The following MAPK10 variants were observed in gnomAD, a reference collection of about 807,000 sequenced individuals.
MAPK10 encodes the protein mitogen-activated protein kinase 10.
MAPK10 carries 25 observed loss-of-function variants against 59.3 expected under a neutral mutation model. That is an observed-to-expected ratio of 0.42 (90% CI 0.31 to 0.59). MAPK10 has a LOEUF of 0.59. MAPK10 is among the 20% of genes least tolerant of loss of function. The probability of loss-of-function intolerance (pLI) is 0.15; values close to 1 mark genes in which losing one functional copy is unlikely to be tolerated. For synonymous variants in MAPK10, 190 were observed against 200.5 expected (o/e 0.95, Z 0.44); for missense variants, 351 against 568.9 (o/e 0.62, Z 3.90).
At chr4:86,076,067 C>G (rs2049327527) in intron 9 of MAPK10, among the ~76,000 whole-genome samples, 1 of 152,136 alleles carries the variant, frequency 6.6e-6, no homozygotes, top group South Asian at 2.1e-4. Flanking sequence ...GTAGGACCCT[C>G]CGAGCCAGGT....
At position 86,031,411 on chromosome 4, in the gene MAPK10, G is replaced by A; in HGVS notation, c.1131C>T (p.Asp377=). 3 of 1,612,460 alleles carry A rather than the reference G, an allele frequency of 1.9e-6. No homozygotes were observed. The highest frequency in any genetic ancestry group is 2.5e-6 in the Non-Finnish European group (3 of 1,178,906). The part of the protein sequence containing the change: ...EVEAPPPQIY[D]KQLDEREHTI... ...TGTGTTCTCTTTCATCCAACTGCTT[G>A]TCATATATCTGAGGTGGAGGCTGCC... Residue 377 remains aspartate (D), a synonymous_variant, in exon 12 of 14, where the codon GAC becomes GAT. Coordinates refer to ENST00000641462, the MANE Select transcript of MAPK10 (RefSeq NM_138982.4).
At chr4:86,554,287 G>A (rs1324770544) in intron 1 of MAPK10, among the ~76,000 whole-genome samples, 1 of 152,104 alleles carries the variant, frequency 6.6e-6, no homozygotes, top group Non-Finnish European at 1.5e-5. Flanking sequence ...TATTCTAAAA[G>A]CTACTGCTTA....
chr4:86,382,436 T>C (rs1740876592), intron 1 of MAPK10, among the ~76,000 whole-genome samples: 1 of 152,314 alleles, frequency 6.6e-6, no homozygotes, highest in South Asian at 2.1e-4. Flanking sequence ...TTGCTTTCCC[T>C]CAGACCTTAT....
chr4:86,089,560 T>C, intron 9 of MAPK10: 1 of 289,072 alleles, frequency 3.5e-6, no homozygotes, highest in East Asian at 6.3e-5. Context: ...ATTTAGGTTT[T>C]GATTTAAAAG....
At chr4:86,133,113 G>GA (rs975438979) in intron 4 of MAPK10, among the ~76,000 whole-genome samples, 2 of 151,890 alleles carry the variant, frequency 1.3e-5, no homozygotes, top group African/African-American at 4.8e-5. Context: ...TTGTGAAGCT[G>GA]AAAAAAATAT....
chr4:86,293,669 T>C (rs1400810207), intron 2 of MAPK10, among the ~76,000 whole-genome samples: 3 of 152,126 alleles, frequency 2.0e-5, no homozygotes, highest in African/African-American at 4.8e-5. Context: ...CTTCTGCTTC[T>C]GGGGAGGCCT....
intron 4 of MAPK10, among the ~76,000 whole-genome samples, chr4:86,150,681 GAA>G (rs1240240473): frequency 1.3e-5 from 2 of 152,102 alleles, no homozygotes; most frequent in African/African-American, 4.8e-5. Flanking sequence ...CTAACACGGT[GAA>G]ACCCCGTCTC....
chr4:86,175,261 A>G (rs190831877), intron 3 of MAPK10, among the ~76,000 whole-genome samples: 3 of 152,312 alleles, frequency 2.0e-5, no homozygotes, highest in Middle Eastern at 6.8e-3. Flanking sequence ...TCTCTAAAAT[A>G]TGTCTTTATA....
chr4:86,327,805 C>T (rs1439950867), intron 2 of MAPK10: 1 of 39,570 alleles, frequency 2.5e-5, no homozygotes. Flanking sequence ...AAAAAAAAAG[C>T]TGGGCATGGT....
intron 1 of MAPK10, among the ~76,000 whole-genome samples, chr4:86,519,817 C>T (rs1756983277): frequency 6.6e-6 from 1 of 152,068 alleles, no homozygotes; most frequent in East Asian, 1.9e-4. Flanking sequence ...TTGATAGAGG[C>T]AAATTCTCTC....
intron 1 of MAPK10, among the ~76,000 whole-genome samples, chr4:86,397,527 A>T (rs886107758): frequency 6.6e-6 from 1 of 152,114 alleles, no homozygotes; most frequent in African/African-American, 2.4e-5. Flanking sequence ...TTTGAAGAAG[A>T]GAGAAATGGT....
chr4:86,204,021 C>T (rs770155750), intron 2 of MAPK10, among the ~76,000 whole-genome samples: 34 of 151,752 alleles, frequency 2.2e-4, no homozygotes, highest in Non-Finnish European at 4.1e-4. Flanking sequence ...AAAATTGTAT[C>T]GGAACATAGC....
chr4:86,491,819 A>G (rs1754475274), intron 1 of MAPK10, among the ~76,000 whole-genome samples: 1 of 152,144 alleles, frequency 6.6e-6, no homozygotes, highest in Non-Finnish European at 1.5e-5. Flanking sequence ...ATTTTTCCTA[A>G]CAGCAAAAGA....
chr4:86,238,734 A>G (rs2092480607), intron 2 of MAPK10, among the ~76,000 whole-genome samples: 1 of 152,212 alleles, frequency 6.6e-6, no homozygotes, highest in African/African-American at 2.4e-5. Context: ...TATCAGTTCA[A>G]GAAGTTTTTG....
chr4:86,385,508 A>G (rs1741341957), intron 1 of MAPK10, among the ~76,000 whole-genome samples: 1 of 152,182 alleles, frequency 6.6e-6, no homozygotes, highest in Non-Finnish European at 1.5e-5. Context: ...CTTTTTCTTT[A>G]AAATATAAAC....
chr4:86,590,367 T>C (rs1490201846), intron 1 of MAPK10, among the ~76,000 whole-genome samples: 1 of 152,214 alleles, frequency 6.6e-6, no homozygotes, highest in Non-Finnish European at 1.5e-5. Context: ...ATTTTTTATG[T>C]AACTCCCACT....
chr4:86,038,519 A>C (rs1030393119), intron 11 of MAPK10, among the ~76,000 whole-genome samples: 1 of 151,886 alleles, frequency 6.6e-6, no homozygotes, highest in African/African-American at 2.4e-5. Context: ...TTTTGATTTT[A>C]TATTTCCTTG....
At chr4:86,516,403 T>C (rs1325343761) in intron 1 of MAPK10, among the ~76,000 whole-genome samples, 2 of 152,182 alleles carry the variant, frequency 1.3e-5, no homozygotes, top group Non-Finnish European at 2.9e-5. Flanking sequence ...GGATTATTTT[T>C]TTCTGGTTCT....
intron 1 of MAPK10, among the ~76,000 whole-genome samples, chr4:86,413,009 T>A (rs1160519114): frequency 1.3e-5 from 2 of 152,350 alleles, no homozygotes; most frequent in East Asian, 3.9e-4. Flanking sequence ...TTTCAGCTTT[T>A]CTGCTCTAGT....
Sources: gnomAD v4.1 joint callset for allele counts (sites outside exome capture counted in the v4.1 genomes callset) on GRCh38, gnomAD v4.1.1 for gene constraint, MANE v1.5 for transcripts, NCBI Gene and HGNC (gene_info 2026-07-23, HGNC 2026-07-21) for gene names.